Variants in NOVA2 observed in about 807,000 individuals in gnomAD.
NOVA2 encodes the protein RNA-binding protein Nova-2.
In NOVA2, 9 loss-of-function variants were observed where a neutral mutation model predicts 22.5. That is an observed-to-expected ratio of 0.40 (90% confidence interval 0.24 to 0.70). The LOEUF (loss-of-function observed/expected upper bound fraction) is 0.70, where lower values mean the gene tolerates loss of function less well. NOVA2 is among the 30% of genes least tolerant of loss of function. The pLI, the probability that NOVA2 is intolerant of heterozygous loss-of-function variation, is 0.38. For missense variants in NOVA2, 383 were observed against 682.8 expected (o/e 0.56, Z 4.89); for synonymous variants, 318 against 335.2 (o/e 0.95, Z 0.56).
intron 2 of NOVA2, among the ~76,000 whole-genome samples, chr19:45,959,268 G>A (rs1028826740): frequency 2.6e-5 from 4 of 151,944 alleles, no homozygotes; most frequent in African/African-American, 9.7e-5. Context: ...GTCAGCAGCC[G>A]GCTCATGCTG....
intron 3 of NOVA2, among the ~76,000 whole-genome samples, chr19:45,945,183 T>A (rs531951355): frequency 2.6e-5 from 4 of 151,970 alleles, no homozygotes; most frequent in Non-Finnish European, 4.4e-5. Context: ...GGTGTGCACC[T>A]GTCGTCTCAG....
chr19:45,941,048 G>T (rs916987897), intron 3 of NOVA2, 103 bp from the exon 4 acceptor site: 6 of 1,082,476 alleles, frequency 5.5e-6, no homozygotes, highest in Non-Finnish European at 7.8e-6. Context: ...CCAGCACTTT[G>T]GGGGGCTGAG....
intron 1 of NOVA2, among the ~76,000 whole-genome samples, chr19:45,972,939 C>T (rs938944606): frequency 2.0e-5 from 3 of 151,890 alleles, no homozygotes; most frequent in East Asian, 3.9e-4. Flanking sequence ...ACCCCTGCTC[C>T]GAAAGGGTCA....
chr19:45,957,304 CGA>C (rs1968019125), intron 2 of NOVA2, among the ~76,000 whole-genome samples: 1 of 151,946 alleles, frequency 6.6e-6, no homozygotes, highest in South Asian at 2.1e-4. Context: ...TTTGGGAGGC[CGA>C]GGCGGGTGGA....
Position 45,953,961 on chromosome 19 carries a change from A to T in NOVA2, c.230-15T>A. The T allele has an allele frequency of 6.2e-7, 1 of 1,613,060 alleles. No individual in the cohort carries two copies. The highest frequency in any genetic ancestry group is 8.5e-7 in the Non-Finnish European group (1 of 1,179,238). ...CTCTGTGGTTCCTGTTGAGCAAGGG[A>T]GAGAGAGGGCACACTCATGAGACAG... On this transcript the variant is annotated splice_polypyrimidine_tract_variant and intron_variant, in intron 2 of 3. Coordinates refer to ENST00000263257, the MANE Select transcript of NOVA2 (RefSeq NM_002516.4).
At chr19:45,971,981 TCAAA>T (rs1968238095) in intron 1 of NOVA2, among the ~76,000 whole-genome samples, 1 of 151,792 alleles carries the variant, frequency 6.6e-6, no homozygotes, top group South Asian at 2.1e-4. Context: ...TTCCGTGGTG[TCAAA>T]CATTCGGCAA....
intron 3 of NOVA2, among the ~76,000 whole-genome samples, chr19:45,952,807 T>A (rs1600606714): frequency 6.6e-6 from 1 of 152,126 alleles, no homozygotes; most frequent in East Asian, 1.9e-4. Flanking sequence ...ACCCTGCAGC[T>A]CTCCTCCAGG....
chr19:45,969,887 C>A (rs141216820), intron 1 of NOVA2, among the ~76,000 whole-genome samples: 1 of 152,300 alleles, frequency 6.6e-6, no homozygotes, highest in African/African-American at 2.4e-5. Context: ...GAACTGCCAC[C>A]ATCTCCTCCA....
At position 45,940,372 on chromosome 19, in the gene NOVA2, C is replaced by A; in HGVS notation, c.970G>T (p.Ala324Ser). The change falls in exon 4 of 4, where the codon GCC (alanine) becomes TCC (serine). Residue 324 changes from alanine to serine, a missense_variant. Ala to Ser is a moderately conservative substitution (Grantham distance 99). Around this residue, in one of 2 missense-constraint regions of NOVA2, gnomAD observed 349 missense variants for 578.1 expected, o/e 0.60. Transcript: ENST00000263257. The stretch of plus-strand genomic sequence containing the variant: ...CCCGCGTAGGATGCCAGGAGGTTGG[C>A]GGCGGCGGCGGCTGCTGGGTTGGCC... ...AGANPAAAAAANLLASYAGEA... is the reference protein window; with the variant it reads ...AGANPAAAAASNLLASYAGEA... 7.3e-7 allele frequency: 1 copy of A among 1,366,868 alleles called. No individual in the cohort carries two copies. Among genetic ancestry groups the A allele is most frequent in the Non-Finnish European group, 9.5e-7 (1 of 1,051,026 alleles). 84.7% of individuals were successfully genotyped at this position (1,366,868 alleles called of 1,614,324 possible).
In NOVA2 at chr19:45,939,938, G is replaced by A. The variant is rs374610804; in HGVS notation, c.1404C>T (p.Ala468=). 8 of 1,614,010 alleles carry A rather than the reference G, an allele frequency of 5.0e-6. No individual in the cohort carries two copies. Among genetic ancestry groups the A allele is most frequent in the Middle Eastern group, 1.6e-4 (1 of 6,084 alleles). The part of the protein sequence containing the change: ...TITGSPAATQ[A]AQYLISQRVT... ...CCCGCTGACTGATGAGGTATTGAGC[G>A]GCTTGCGTGGCCGCGGGGCTGCCCG... The change falls in exon 4 of 4, where the codon GCC becomes GCT. Residue 468 remains alanine, a synonymous_variant. Transcript: ENST00000263257.
chr19:45,963,639 C>T (rs1968128065), intron 1 of NOVA2, among the ~76,000 whole-genome samples: 1 of 151,812 alleles, frequency 6.6e-6, no homozygotes, highest in African/African-American at 2.4e-5. Context: ...TCACGCCATT[C>T]TCCTGCCTCA....
rs1224708366 is a variant in NOVA2, at chr19:45,937,081, A to G, written c.*2782T>C. Reference sequence around the variant, plus strand: ...AAGGTGTGGCTCTCTGCTCACCAACATGGTGAGTGAACTAGCTCACTGAGC... The same window carrying G: ...AAGGTGTGGCTCTCTGCTCACCAACGTGGTGAGTGAACTAGCTCACTGAGC... On this transcript the variant is annotated 3_prime_UTR_variant, in exon 4 of 4. Coordinates refer to ENST00000263257, the MANE Select transcript of NOVA2 (RefSeq NM_002516.4). 1 of 152,164 alleles carries G rather than the reference A, an allele frequency of 6.6e-6. No homozygotes were observed. The highest frequency in any genetic ancestry group is 1.5e-5 in the Non-Finnish European group (1 of 68,040). The allele number at this position is 152,164 out of a possible 1,614,324, so 9.4% of individuals were successfully genotyped here.
At chr19:45,941,445 G>T (rs542566988) in intron 3 of NOVA2, among the ~76,000 whole-genome samples, 1 of 152,050 alleles carries the variant, frequency 6.6e-6, no homozygotes, top group South Asian at 2.1e-4. Context: ...TGGAATTACA[G>T]ATTTGAGCCA....
intron 1 of NOVA2, among the ~76,000 whole-genome samples, chr19:45,963,003 A>T (rs1213549289): frequency 6.6e-6 from 1 of 152,122 alleles, no homozygotes; most frequent in Non-Finnish European, 1.5e-5. Context: ...TGTAGTCTCA[A>T]GGCAAGCATC....
At chr19:45,961,678 T>C (rs1968098617) in intron 1 of NOVA2, among the ~76,000 whole-genome samples, 1 of 152,116 alleles carries the variant, frequency 6.6e-6, no homozygotes, top group Admixed American at 6.6e-5. Context: ...CAAATACCAG[T>C]CCTTTGAATT....
At chr19:45,951,658 G>A (rs1214563476) in intron 3 of NOVA2, among the ~76,000 whole-genome samples, 3 of 151,002 alleles carry the variant, frequency 2.0e-5, no homozygotes, top group East Asian at 3.9e-4. Context: ...TTAGCCAGGC[G>A]TGGTCGTGTT....
intron 3 of NOVA2, among the ~76,000 whole-genome samples, chr19:45,951,551 T>C (rs567134673): frequency 1.3e-5 from 2 of 151,268 alleles, no homozygotes; most frequent in African/African-American, 4.8e-5. Flanking sequence ...CCGGGAGTTG[T>C]AGGTTGCAGT....
rs1967701017 is a variant in NOVA2 at position 45,939,121 on chromosome 19, G to A, written c.*742C>T. The A allele has an allele frequency of 1.3e-5, 2 of 152,384 alleles. No individual in the cohort carries two copies. The highest frequency in any genetic ancestry group is 4.8e-5 in the African/African-American group (2 of 41,444). 9.4% of individuals were successfully genotyped at this position (152,384 alleles called of 1,614,324 possible). A position where few individuals can be genotyped will look rare whatever the true frequency, so the allele number is the denominator to read the frequency against. On this transcript the variant is annotated 3_prime_UTR_variant, in exon 4 of 4. Coordinates refer to ENST00000263257, the MANE Select transcript of NOVA2 (RefSeq NM_002516.4). ...ACCAAGTTGATCCAGCCTCTTGCAA[G>A]TCTTGCCCACAGGACTGGCCCAATC...
intron 3 of NOVA2, among the ~76,000 whole-genome samples, chr19:45,953,249 C>G (rs1600607202): frequency 6.6e-6 from 1 of 152,230 alleles, no homozygotes; most frequent in South Asian, 2.1e-4. Flanking sequence ...AGGGGCGCTG[C>G]CTTCCCCCTT....
Sources: gnomAD v4.1 joint callset for allele counts (sites outside exome capture counted in the v4.1 genomes callset) on GRCh38, gnomAD v4.1.1 for gene constraint, gnomAD v4.1.1 regional missense constraint, MANE v1.5 for transcripts, NCBI Gene and HGNC (gene_info 2026-07-23, HGNC 2026-07-21) for gene names.